GOLGA3: variants seen among roughly 807,000 people sequenced by gnomAD.
GOLGA3 encodes the protein golgin A3.
A neutral mutation model predicts 169.4 loss-of-function variants in GOLGA3; 75 were observed. The ratio of observed to expected loss-of-function variants is 0.44; its 90% CI spans 0.37 to 0.54. The LOEUF (loss-of-function observed/expected upper bound fraction) is 0.54, where lower values mean the gene tolerates loss of function less well. GOLGA3 is among the 20% of genes least tolerant of loss of function. GOLGA3 has a pLI of 0.00. For synonymous variants in GOLGA3, 824 were observed against 822.4 expected (o/e 1.00, Z -0.03); for missense variants, 1,899 against 1,930.0 (o/e 0.98, Z 0.30).
chr12:132,796,246 G>A, intron 10 of GOLGA3, 26 bp from the exon 11 acceptor site: 1 of 1,564,874 alleles, frequency 6.4e-7, no homozygotes, highest in Non-Finnish European at 8.6e-7. Context: ...AGCCCACATG[G>A]CTGCGCCTGA....
chr12:132,789,552 A>C (rs1028931296), intron 12 of GOLGA3, among the ~76,000 whole-genome samples: 12 of 152,272 alleles, frequency 7.9e-5, no homozygotes, highest in African/African-American at 2.9e-4. Context: ...CTCTATTCCA[A>C]GGAGTCTGGC....
chr12:132,807,776 C>CAGG (rs2136605536), intron 5 of GOLGA3, 115 bp downstream of exon 5: 1 of 259,564 alleles, frequency 3.9e-6, no homozygotes, highest in Middle Eastern at 1.2e-3. Flanking sequence ...CCCGCCCCCT[C>CAGG]TGTTGGCCCC....
rs191176149 is a variant in GOLGA3 at position 132,807,452 on chromosome 12, A to C, written c.1179-164T>G. ...CTGAGGCTTGCATGATGCACGGATG[A>C]ACATTCCTGCCAACAGTTGGCACCT... On this transcript the variant is annotated intron_variant, in intron 5 of 23. Coordinates refer to ENST00000450791, the MANE Select transcript of GOLGA3 (RefSeq NM_001389683.1). 4.8e-3 allele frequency among the ~76,000 whole-genome samples: 736 copies of C among 152,316 alleles called. 7 individuals carry two copies. Among genetic ancestry groups the C allele is most frequent in the African/African-American group, 0.017 (711 of 41,568 alleles).
chr12:132,818,479 T>A (rs1267030882), intron 2 of GOLGA3, among the ~76,000 whole-genome samples: 1 of 152,204 alleles, frequency 6.6e-6, no homozygotes, highest in Non-Finnish European at 1.5e-5. Flanking sequence ...CAGTCTGGTC[T>A]CAAACTCCTC....
Position 132,774,333 on chromosome 12 carries a change from G to A in GOLGA3, c.4144-13C>T. ...TCGGCTCCTTTCTCTGTTTTTAAAA[G>A]CACATGATCAGCTTTCCCACCGTCC... On this transcript the variant is annotated splice_polypyrimidine_tract_variant and intron_variant, in intron 22 of 23. Transcript: ENST00000450791. 1 of 1,610,266 alleles carries A rather than the reference G, an allele frequency of 6.2e-7. No individual in the cohort carries two copies. The highest frequency in any genetic ancestry group is 1.1e-5 in the South Asian group (1 of 91,080).
rs983463809 is a variant in GOLGA3 at position 132,768,987 on chromosome 12, C to A, written c.*4118G>T. The A allele has an allele frequency of 6.6e-5, 10 of 152,598 alleles. No homozygotes were observed. The highest frequency in any genetic ancestry group is 2.4e-4 in the African/African-American group (10 of 41,446). The allele number at this position is 152,598 out of a possible 1,614,324, so 9.5% of individuals were successfully genotyped here. A position where few individuals can be genotyped will look rare whatever the true frequency, so the allele number is the denominator to read the frequency against. On this transcript the variant is annotated 3_prime_UTR_variant, in exon 24 of 24. Transcript: ENST00000450791. ...CACACTTACATTTGTAAAAAATCAACGTGCTTTTTAAAGTTACACTTTGTC... is the reference window on the plus strand; with the variant it reads ...CACACTTACATTTGTAAAAAATCAAAGTGCTTTTTAAAGTTACACTTTGTC...
chr12:132,797,990 A>G (rs1468398073), intron 9 of GOLGA3, among the ~76,000 whole-genome samples: 1 of 152,214 alleles, frequency 6.6e-6, no homozygotes, highest in South Asian at 2.1e-4. Flanking sequence ...ACCCAGCGCC[A>G]TCCCTGACTG....
At chr12:132,825,125 C>T (rs1045475365) in intron 1 of GOLGA3, among the ~76,000 whole-genome samples, 1 of 152,140 alleles carries the variant, frequency 6.6e-6, no homozygotes, top group Non-Finnish European at 1.5e-5. Context: ...AGAAAACTTG[C>T]GTTTTGCTTT....
chr12:132,794,590 G>A (rs1425304906), intron 11 of GOLGA3, among the ~76,000 whole-genome samples: 2 of 152,168 alleles, frequency 1.3e-5, no homozygotes, highest in African/African-American at 4.8e-5. Flanking sequence ...TGCCAGTAAT[G>A]ACAACACAGG....
At chr12:132,811,611 C>T (rs1439428648) in intron 4 of GOLGA3, among the ~76,000 whole-genome samples, 1 of 151,776 alleles carries the variant, frequency 6.6e-6, no homozygotes, top group Non-Finnish European at 1.5e-5. Flanking sequence ...CAGGGGTGTG[C>T]CATCACATCC....
At position 132,779,771 on chromosome 12, in the gene GOLGA3, A is replaced by AC. The variant is rs376599867; in HGVS notation, c.3582+1026dup. On this transcript the variant is annotated intron_variant, in intron 18 of 23. Coordinates refer to ENST00000450791, the MANE Select transcript of GOLGA3 (RefSeq NM_001389683.1). Reference sequence around the variant, plus strand: ...CACACACCACAGCCCTTGCATGGACACCCCCCCCGTGCACATACACACACC... The same window carrying AC: ...CACACACCACAGCCCTTGCATGGACACCCCCCCCCGTGCACATACACACACC... 4.4e-3 allele frequency among the ~76,000 whole-genome samples: 457 copies of AC among 103,490 alleles called. 2 individuals are homozygous for AC. Among genetic ancestry groups the AC allele is most frequent in the African/African-American group, 6.3e-3 (172 of 27,502 alleles). 67.9% of individuals were successfully genotyped at this position (103,490 alleles called of 152,430 possible).
intron 22 of GOLGA3, chr12:132,774,697 G>A (rs974684110): frequency 5.8e-5 from 23 of 397,606 alleles, no homozygotes; most frequent in African/African-American, 4.8e-4. Context: ...CCCTTTTCTG[G>A]GACTTCAAAC....
Position 132,777,854 on chromosome 12 carries a change from C to CT in GOLGA3, c.3583-50dup. 1 of 1,600,692 alleles carries CT rather than the reference C, an allele frequency of 6.2e-7. No individual in the cohort carries two copies. ...TCCATGCCCTGCGTGACACCCACAG[C>CT]TTTATGACGTGCCGGGCGCAGGGGG... is the stretch of plus-strand genomic sequence containing the variant. On this transcript the variant is annotated intron_variant, in intron 18 of 23. Transcript: ENST00000450791. The surrounding 1 kb of genome is among the most constrained non-coding windows in gnomAD (Gnocchi z 4.7).
intron 10 of GOLGA3, 105 bp from the exon 11 acceptor site, chr12:132,796,325 G>A (rs763802799): frequency 8.7e-6 from 12 of 1,378,626 alleles, no homozygotes; most frequent in Non-Finnish European, 1.2e-5. Context: ...ACTATGGAGG[G>A]TCTTTTTTTC....
At chr12:132,788,076 C>T (rs1229341975) in intron 13 of GOLGA3, among the ~76,000 whole-genome samples, 3 of 152,022 alleles carry the variant, frequency 2.0e-5, no homozygotes, top group African/African-American at 4.8e-5. Flanking sequence ...GTGCTCTGCC[C>T]GCACTGCTGA....
intron 21 of GOLGA3, among the ~76,000 whole-genome samples, chr12:132,776,216 G>GCCCAGCGCC (rs2045224203): frequency 5.4e-5 from 5 of 92,676 alleles, no homozygotes; most frequent in African/African-American, 2.0e-4. Flanking sequence ...TCCCGCCTGT[G>GCCCAGCGCC]TCCAGCACCT....
chr12:132,783,829 G>C lies in GOLGA3; in HGVS notation c.3267+335C>G, dbSNP rs948063054. The stretch of plus-strand genomic sequence containing the variant: ...CTAACCTCATGATCCGCCCACCTCA[G>C]CCTCCCAAAGTGCTGGGATTACAGG... On this transcript the variant is annotated intron_variant, in intron 16 of 23. Transcript: ENST00000450791. The C allele has an allele frequency of 4.2e-6, 5 of 1,181,514 alleles. No homozygotes were observed. The African/African-American group carries it at 6.2e-5, about 15-fold the overall frequency. 73.2% of individuals were successfully genotyped at this position (1,181,514 alleles called of 1,614,324 possible). A position where few individuals can be genotyped will look rare whatever the true frequency, so the allele number is the denominator to read the frequency against.
At chr12:132,785,222 C>G (rs1349039769) in intron 15 of GOLGA3, among the ~76,000 whole-genome samples, 1 of 152,222 alleles carries the variant, frequency 6.6e-6, no homozygotes. Context: ...ACCTCCCCAC[C>G]CCAGCCCTTA....
At chr12:132,808,603 C>T in intron 4 of GOLGA3, 54 bp from the exon 5 acceptor site, 3 of 1,354,952 alleles carry the variant, frequency 2.2e-6, no homozygotes, top group Non-Finnish European at 3.1e-6. Flanking sequence ...AAGCAGCATA[C>T]TTAAAACTGC....
Sources: allele counts gnomAD v4.1 joint callset (sites outside exome capture counted in the v4.1 genomes callset), GRCh38; gene constraint gnomAD v4.1.1; non-coding constraint Gnocchi (gnomAD v3.1); transcripts MANE v1.5; gene names NCBI Gene and HGNC (gene_info 2026-07-23, HGNC 2026-07-21).